Variants in G6PC1 observed in about 807,000 individuals in gnomAD.
The protein encoded by G6PC1 is glucose-6-phosphatase catalytic subunit 1, also known as G-6-Pase.
Under a neutral mutation model 30.4 loss-of-function variants are expected in G6PC1, and 23 were observed. That is an observed-to-expected ratio of 0.76 (90% CI 0.55 to 1.07). G6PC1 has a LOEUF of 1.07. Ranked by LOEUF, G6PC1 falls within the 50% of genes least tolerant of loss-of-function variation. The pLI is 0.00. For synonymous variants in G6PC1, 163 were observed against 175.6 expected (o/e 0.93, Z 0.57); for missense variants, 391 against 433.9 (o/e 0.90, Z 0.88).
At chr17:42,902,254 T>C (rs560565807) in intron 1 of G6PC1, among the ~76,000 whole-genome samples, 54 of 152,158 alleles carry the variant, frequency 3.5e-4, no homozygotes, top group African/African-American at 1.3e-3. Context: ...TTCTTTCTTT[T>C]GTTTGTTTGT....
At position 42,911,355 on chromosome 17, in the gene G6PC1, C is replaced by T. The variant is rs1445269628; in HGVS notation, c.1003C>T (p.Leu335=). 3 of 1,614,080 alleles carry T rather than the reference C, an allele frequency of 1.9e-6. No homozygotes were observed. The highest frequency in any genetic ancestry group is 2.5e-6 in the Non-Finnish European group (3 of 1,180,042). ...LSFCKSAVVP[L]ASVSVIPYCL... Reference sequence around the variant, plus strand: ...CTTCTGCAAGAGTGCGGTAGTGCCCCTGGCATCCGTCAGTGTCATCCCCTA... The same window carrying T: ...CTTCTGCAAGAGTGCGGTAGTGCCCTTGGCATCCGTCAGTGTCATCCCCTA... Residue 335 remains leucine (L), a synonymous_variant, in exon 5 of 5, where the codon CTG becomes TTG. Coordinates refer to ENST00000253801, the MANE Select transcript of G6PC1 (RefSeq NM_000151.4).
chr17:42,908,073 C>T (rs968502355), intron 3 of G6PC1, among the ~76,000 whole-genome samples: 2 of 152,204 alleles, frequency 1.3e-5, no homozygotes, highest in Non-Finnish European at 2.9e-5. Context: ...CTCTGTCATC[C>T]AGGCTGAAGT....
Position 42,911,236 on chromosome 17 carries a change from G to A in G6PC1, c.884G>A (p.Arg295His), listed in dbSNP as rs375212414. The A allele has an allele frequency of 1.2e-5, 20 of 1,614,146 alleles. No individual in the cohort carries two copies. Among genetic ancestry groups the A allele is most frequent in the African/African-American group, 2.7e-5 (2 of 75,010 alleles). ...KGKLSKWLPF[R>H]LSSIVASLVL... ...AAACTCAGCAAGTGGCTCCCATTCC[G>A]CCTCAGCTCTATTGTAGCCTCCCTC... Residue 295 changes from arginine to histidine, a missense_variant, in exon 5 of 5, where the codon CGC becomes CAC. Coordinates refer to ENST00000253801, the MANE Select transcript of G6PC1 (RefSeq NM_000151.4).
chr17:42,905,339 C>G (rs1204348943), intron 2 of G6PC1, among the ~76,000 whole-genome samples: 1 of 149,838 alleles, frequency 6.7e-6, no homozygotes, highest in South Asian at 2.1e-4. Flanking sequence ...GCAGGAGAAT[C>G]GCTTGAACCT....
chr17:42,902,577 G>C (rs541668279), intron 1 of G6PC1, among the ~76,000 whole-genome samples: 3 of 152,126 alleles, frequency 2.0e-5, no homozygotes, highest in East Asian at 1.9e-4. Context: ...AAAAGATGAA[G>C]TGTTATTCCA....
rs1401928680 is a variant in G6PC1, at chr17:42,907,538, A to G, written c.356A>G (p.His119Arg). ...CETGPGSPSG[H>R]AMGTAGVYYV... Reference sequence around the variant, plus strand: ...TGCCCTTTAGGGAGCCCCTCTGGCCATGCCATGGGCACAGCAGGTGTATAC... The same window carrying G: ...TGCCCTTTAGGGAGCCCCTCTGGCCGTGCCATGGGCACAGCAGGTGTATAC... The change falls in exon 3 of 5, where the codon CAT (histidine) becomes CGT (arginine). Residue 119 changes from histidine to arginine, a missense_variant. Physicochemically the swap from His to Arg is conservative, Grantham distance 29 (BLOSUM62 0). Transcript: ENST00000253801. 3.7e-6 allele frequency: 6 copies of G among 1,612,810 alleles called. No homozygotes were observed. The highest frequency in any genetic ancestry group is 5.1e-6 in the Non-Finnish European group (6 of 1,179,002).
Position 42,907,533 on chromosome 17 carries a change from T to C in G6PC1, c.351T>C (p.Ser117=). The C allele has an allele frequency of 6.2e-7, 1 of 1,611,838 alleles. No homozygotes were observed. The highest frequency in any genetic ancestry group is 1.1e-5 in the South Asian group (1 of 91,010). The change falls in exon 3 of 5, where the codon TCT becomes TCC. Residue 117 remains serine, a synonymous_variant. Coordinates refer to ENST00000253801, the MANE Select transcript of G6PC1 (RefSeq NM_000151.4). ...VTCETGPGSP[S]GHAMGTAGVY... is the part of the protein sequence containing the mutation. The stretch of plus-strand genomic sequence containing the variant: ...TTTCCTGCCCTTTAGGGAGCCCCTC[T>C]GGCCATGCCATGGGCACAGCAGGTG...
intron 4 of G6PC1, among the ~76,000 whole-genome samples, chr17:42,910,643 G>T (rs1034478657): frequency 3.3e-5 from 5 of 152,176 alleles, no homozygotes; most frequent in African/African-American, 9.7e-5. Context: ...ACCTCTGAGG[G>T]TATTTCAAGT....
Sources: allele counts gnomAD v4.1 joint callset (sites outside exome capture counted in the v4.1 genomes callset), GRCh38; gene constraint gnomAD v4.1.1; transcripts MANE v1.5; gene names NCBI Gene and HGNC (gene_info 2026-07-23, HGNC 2026-07-21).